The following CEP63 variants were observed in gnomAD, a reference collection of about 807,000 sequenced individuals.
CEP63 encodes the protein centrosomal protein of 63 kDa.
A neutral mutation model predicts 89.1 loss-of-function variants in CEP63; 84 were observed. That is an observed-to-expected ratio of 0.94 (90% CI 0.79 to 1.13). The LOEUF is 1.13. CEP63 is among the 50% of genes most tolerant of loss of function. The pLI is 0.00. For synonymous variants in CEP63, 267 were observed against 272.5 expected (o/e 0.98, Z 0.20); for missense variants, 838 against 813.3 (o/e 1.03, Z -0.37).
At chr3:134,724,107 C>A in the CEP63 span, among the ~76,000 whole-genome samples, 4 of 152,160 alleles carry the variant, frequency 2.6e-5, no homozygotes, top group Non-Finnish European at 5.9e-5. Context: ...CCCTGGGATG[C>A]GAGTGAAACT....
the CEP63 span, among the ~76,000 whole-genome samples, chr3:134,668,555 C>T: frequency 6.6e-6 from 1 of 152,140 alleles, no homozygotes; most frequent in African/African-American, 2.4e-5. Flanking sequence ...ATAAAGTAAT[C>T]ACTTCCTTGA....
chr3:134,562,516 A>C lies in CEP63; in HGVS notation c.*981A>C, dbSNP rs1474788816. On this transcript the variant is annotated 3_prime_UTR_variant, in exon 15 of 15. Transcript: ENST00000675561. ...TCCCATCAGCGTAAAACATCCTGTT[A>C]TTTCCCCTTTTTAAATAAAACCTCA... 1.3e-5 allele frequency: 2 copies of C among 151,952 alleles called. No individual in the cohort carries two copies. Among genetic ancestry groups the C allele is most frequent in the African/African-American group, 4.8e-5 (2 of 41,304 alleles). 9.4% of individuals were successfully genotyped at this position (151,952 alleles called of 1,614,324 possible). A position where few individuals can be genotyped will look rare whatever the true frequency, so the allele number is the denominator to read the frequency against.
the CEP63 span, among the ~76,000 whole-genome samples, chr3:134,726,558 T>G: frequency 1.3e-5 from 2 of 152,002 alleles, no homozygotes; most frequent in African/African-American, 4.8e-5. Context: ...CCTCCTTCTC[T>G]CTCTCCCTCC....
chr3:134,567,806 C>G (rs78180174), downstream of CEP63, among the ~76,000 whole-genome samples: 2,465 of 152,302 alleles, frequency 0.016, 56 homozygotes, highest in African/African-American at 0.055. Context: ...CACTCATCAG[C>G]CAGGCAGTGT....
chr3:134,532,655 G>T, intron 4 of CEP63, 123 bp from the exon 5 acceptor site: 4 of 677,570 alleles, frequency 5.9e-6, no homozygotes, highest in South Asian at 2.0e-5. Context: ...TTTTAGTTTG[G>T]AAATCTAACA....
the CEP63 span, among the ~76,000 whole-genome samples, chr3:134,638,389 C>T: frequency 3.3e-5 from 5 of 152,130 alleles, no homozygotes; most frequent in Admixed American, 3.3e-4. Flanking sequence ...CTAAGTACAG[C>T]CTAAGTACAG....
At chr3:134,618,292 C>T in the CEP63 span, among the ~76,000 whole-genome samples, 1 of 152,150 alleles carries the variant, frequency 6.6e-6, no homozygotes, top group Admixed American at 6.5e-5. Context: ...CAACTGCCTG[C>T]CTGTGGACTA....
chr3:134,691,376 A>C, the CEP63 span, among the ~76,000 whole-genome samples: 2 of 149,610 alleles, frequency 1.3e-5, no homozygotes, highest in African/African-American at 5.0e-5. Flanking sequence ...GCACTTTAGG[A>C]AGCTGAGGTG....
intron 10 of CEP63, among the ~76,000 whole-genome samples, chr3:134,584,349 C>G (rs930904818): frequency 2.0e-5 from 3 of 152,098 alleles, no homozygotes; most frequent in African/African-American, 7.2e-5. Context: ...GAGATATGTT[C>G]CATCAATACC....
downstream of CEP63, among the ~76,000 whole-genome samples, chr3:134,587,955 G>T (rs1471116895): frequency 6.6e-6 from 1 of 152,066 alleles, no homozygotes; most frequent in African/African-American, 2.4e-5. Flanking sequence ...ATATGAAGAA[G>T]ATTCCACCCC....
At chr3:134,709,494 TG>T in the CEP63 span, among the ~76,000 whole-genome samples, 2 of 22,462 alleles carry the variant, frequency 8.9e-5, no homozygotes, top group Admixed American at 5.5e-4. Context: ...AACTGGGGGG[TG>T]GGGGTGGGGG....
chr3:134,683,325 C>G, the CEP63 span, among the ~76,000 whole-genome samples: 1 of 152,152 alleles, frequency 6.6e-6, no homozygotes, highest in Non-Finnish European at 1.5e-5. Flanking sequence ...TGCTAAGAGA[C>G]TATTCATAGA....
At chr3:134,760,057 TC>T in the CEP63 span, among the ~76,000 whole-genome samples, 1 of 138,280 alleles carries the variant, frequency 7.2e-6, no homozygotes, top group African/African-American at 2.9e-5. Context: ...CAGAGCACTT[TC>T]TTTTTTTTTT....
chr3:134,666,773 C>T, the CEP63 span, among the ~76,000 whole-genome samples: 1,301 of 152,324 alleles, frequency 8.5e-3, 15 homozygotes, highest in African/African-American at 0.03. Context: ...AGCTCTGCTA[C>T]GTGCCAGGCT....
At chr3:134,704,259 C>T in the CEP63 span, among the ~76,000 whole-genome samples, 311 of 152,290 alleles carry the variant, frequency 2.0e-3, no homozygotes, top group Admixed American at 3.8e-3. Flanking sequence ...TCTTGTGCTT[C>T]CCCACTGCCA....
At chr3:134,680,336 T>C in the CEP63 span, among the ~76,000 whole-genome samples, 44 of 152,344 alleles carry the variant, frequency 2.9e-4, no homozygotes, top group African/African-American at 9.6e-4. Context: ...AGTCCTAGTC[T>C]TATGACCACT....
the CEP63 span, among the ~76,000 whole-genome samples, chr3:134,757,000 A>T: frequency 7.9e-5 from 12 of 152,326 alleles, no homozygotes; most frequent in African/African-American, 2.9e-4. Flanking sequence ...GCCAGATGGA[A>T]ATAGGGACCC....
intron 9 of CEP63, 142 bp downstream of exon 9, chr3:134,547,614 C>CTTTTTTTTTTTTTTTTTTTTTCT (rs62656962): frequency 4.5e-6 from 1 of 224,274 alleles, no homozygotes; most frequent in Non-Finnish European, 8.0e-6. Flanking sequence ...GTTCTTATTT[C>CTTTTTTTTTTTTTTTTTTTTTCT]TTTTTTTTTT....
intron 2 of CEP63, 86 bp downstream of exon 2, chr3:134,495,450 A>G (rs977986123): frequency 3.5e-6 from 3 of 849,328 alleles, no homozygotes; most frequent in Non-Finnish European, 6.1e-6. Context: ...TGATACATAC[A>G]TATAATGTGT....
Sources: allele counts gnomAD v4.1 joint callset (sites outside exome capture counted in the v4.1 genomes callset), GRCh38; gene constraint gnomAD v4.1.1; transcripts MANE v1.5; gene names NCBI Gene and HGNC (gene_info 2026-07-23, HGNC 2026-07-21).